The following VPS41 variants were observed in gnomAD, a reference collection of about 807,000 sequenced individuals.
VPS41 encodes VPS41 subunit of HOPS complex, also known as vacuolar protein sorting-associated protein 41 homolog.
In VPS41, 85 loss-of-function variants were observed where a neutral mutation model predicts 130.9. That is an observed-to-expected ratio of 0.65 (90% CI 0.55 to 0.78). The LOEUF (loss-of-function observed/expected upper bound fraction) is 0.78, where lower values mean the gene tolerates loss of function less well. VPS41 is among the 30% of genes least tolerant of loss of function. VPS41 has a pLI of 0.00. For missense variants in VPS41, 874 were observed against 1,018.7 expected (o/e 0.86, Z 1.93); for synonymous variants, 335 against 332.9 (o/e 1.01, Z -0.07).
At chr7:38,798,334 C>T (rs1428644166) in intron 7 of VPS41, among the ~76,000 whole-genome samples, 1 of 152,016 alleles carries the variant, frequency 6.6e-6, no homozygotes, top group Non-Finnish European at 1.5e-5. Flanking sequence ...ACTCTGTTAC[C>T]CAGGCTGGAG....
chr7:38,906,647 G>C (rs1787274248), intron 1 of VPS41, among the ~76,000 whole-genome samples: 1 of 152,128 alleles, frequency 6.6e-6, no homozygotes, highest in African/African-American at 2.4e-5. Flanking sequence ...TCCACGACTA[G>C]TCTTTTTAAG....
At chr7:38,827,099 T>C (rs998175700) in intron 5 of VPS41, among the ~76,000 whole-genome samples, 1 of 152,204 alleles carries the variant, frequency 6.6e-6, no homozygotes, top group African/African-American at 2.4e-5. Flanking sequence ...ATTACAGGCG[T>C]GAGCCACTGC....
At chr7:38,892,696 G>A (rs1343247019) in intron 2 of VPS41, among the ~76,000 whole-genome samples, 4 of 152,122 alleles carry the variant, frequency 2.6e-5, no homozygotes, top group South Asian at 2.1e-4. Context: ...GTCACCAATG[G>A]ATTACAAAGT....
chr7:38,847,288 G>T (rs1369364730), intron 4 of VPS41, among the ~76,000 whole-genome samples: 1 of 141,920 alleles, frequency 7.0e-6, no homozygotes, highest in Non-Finnish European at 1.5e-5. Flanking sequence ...ATCCAAATGG[G>T]TTTGGTAAAA....
At chr7:38,801,863 A>AGCTAC (rs1395092433) in intron 7 of VPS41, among the ~76,000 whole-genome samples, 6 of 152,316 alleles carry the variant, frequency 3.9e-5, no homozygotes, top group Non-Finnish European at 8.8e-5. Flanking sequence ...CTACAGGAGG[A>AGCTAC]GCTACACGAT....
chr7:38,745,300 A>C (rs527298164), intron 23 of VPS41, among the ~76,000 whole-genome samples: 30 of 152,338 alleles, frequency 2.0e-4, no homozygotes, highest in Non-Finnish European at 4.1e-4. Flanking sequence ...CTACAACTTA[A>C]TCTATGTTGT....
chr7:38,825,331 G>A (rs1455590168), intron 5 of VPS41, among the ~76,000 whole-genome samples: 1 of 152,094 alleles, frequency 6.6e-6, no homozygotes. Context: ...CAGCACAAGG[G>A]TGATTTGTAA....
intron 9 of VPS41, among the ~76,000 whole-genome samples, chr7:38,794,073 T>C (rs906622654): frequency 2.6e-5 from 4 of 152,184 alleles, no homozygotes; most frequent in Admixed American, 1.3e-4. Context: ...GAGTAATGAG[T>C]AAACTTGTTA....
chr7:38,892,570 T>A (rs1322694701), intron 2 of VPS41, among the ~76,000 whole-genome samples: 1 of 152,222 alleles, frequency 6.6e-6, no homozygotes, highest in Non-Finnish European at 1.5e-5. Flanking sequence ...CAGTAACTTG[T>A]AGGACTTAAA....
At chr7:38,769,612 C>A (rs115460869) in intron 14 of VPS41, among the ~76,000 whole-genome samples, 3,407 of 152,274 alleles carry the variant, frequency 0.022, 50 homozygotes, top group African/African-American at 0.046. Flanking sequence ...ATGGCAGCAC[C>A]AAACCAGAGG....
In VPS41 at chr7:38,761,004, T is replaced by C. The variant is rs551482902; in HGVS notation, c.1422+2451A>G. ...AGAGACCAGAACAAAAGACCACATA[T>C]TTTCCATTTAGATTACAAACTTCTT... On this transcript the variant is annotated intron_variant, in intron 17 of 28. Coordinates refer to ENST00000310301, the MANE Select transcript of VPS41 (RefSeq NM_014396.4). Among the ~76,000 whole-genome samples the C allele has an allele frequency of 2.0e-5, 3 of 152,226 alleles. No individual in the cohort carries two copies. The East Asian group carries it at 5.8e-4, about 29-fold the overall frequency.
chr7:38,812,652 G>A (rs1156252306), intron 7 of VPS41, among the ~76,000 whole-genome samples: 1 of 151,866 alleles, frequency 6.6e-6, no homozygotes, highest in Non-Finnish European at 1.5e-5. Flanking sequence ...ATCTGATAAG[G>A]AATATCTACC....
At chr7:38,859,857 G>A (rs1275715379) in intron 4 of VPS41, among the ~76,000 whole-genome samples, 1 of 152,154 alleles carries the variant, frequency 6.6e-6, no homozygotes, top group Non-Finnish European at 1.5e-5. Flanking sequence ...ATTTTACTCT[G>A]AGTTAAGTAA....
intron 25 of VPS41, among the ~76,000 whole-genome samples, chr7:38,730,360 TG>T (rs1462643944): frequency 6.6e-6 from 1 of 152,212 alleles, no homozygotes; most frequent in Non-Finnish European, 1.5e-5. Flanking sequence ...GCACTGGCTT[TG>T]GGTGAATCCA....
At chr7:38,752,145 A>G in intron 22 of VPS41, 31 bp downstream of exon 22, 1 of 1,612,398 alleles carries the variant, frequency 6.2e-7, no homozygotes, top group South Asian at 1.1e-5. Context: ...TCTTCATCCA[A>G]AGTGTACAAG....
chr7:38,770,313 G>C (rs116822389), intron 14 of VPS41, among the ~76,000 whole-genome samples: 1,776 of 150,642 alleles, frequency 0.012, 53 homozygotes, highest in African/African-American at 0.04. Flanking sequence ...TAACCAAGCA[G>C]GCCAAGCTGT....
At chr7:38,740,513 T>C (rs1795859668) in intron 25 of VPS41, among the ~76,000 whole-genome samples, 1 of 152,180 alleles carries the variant, frequency 6.6e-6, no homozygotes, top group Non-Finnish European at 1.5e-5. Flanking sequence ...GACTTTCTCA[T>C]TCTCCTTCCA....
intron 25 of VPS41, among the ~76,000 whole-genome samples, chr7:38,729,222 C>T (rs1423469445): frequency 1.3e-5 from 2 of 152,186 alleles, no homozygotes; most frequent in African/African-American, 4.8e-5. Flanking sequence ...ATTCCAAAAT[C>T]ATCAATTTAT....
At chr7:38,853,871 T>C (rs1785920924) in intron 4 of VPS41, among the ~76,000 whole-genome samples, 1 of 152,264 alleles carries the variant, frequency 6.6e-6, no homozygotes, top group Non-Finnish European at 1.5e-5. Context: ...AAGGGTCAGA[T>C]GTTAAAACAT....
Sources: allele counts gnomAD v4.1 joint callset (sites outside exome capture counted in the v4.1 genomes callset), GRCh38; gene constraint gnomAD v4.1.1; transcripts MANE v1.5; gene names NCBI Gene and HGNC (gene_info 2026-07-23, HGNC 2026-07-21).